SREBF2: variants seen among roughly 807,000 people sequenced by gnomAD.
SREBF2 encodes the protein sterol regulatory element binding transcription factor 2, also known as sterol regulatory element-binding protein 2.
Under a neutral mutation model 113.1 loss-of-function variants are expected in SREBF2, and 55 were observed. The observed-to-expected ratio is 0.49, with a 90% CI of 0.39 to 0.61. The LOEUF (loss-of-function observed/expected upper bound fraction) is 0.61, where lower values mean the gene tolerates loss of function less well. Ranked by LOEUF, SREBF2 falls within the 20% of genes least tolerant of loss-of-function variation. The pLI, the probability that SREBF2 is intolerant of heterozygous loss-of-function variation, is 0.00. For synonymous variants in SREBF2, 593 were observed against 605.7 expected (o/e 0.98, Z 0.31); for missense variants, 1,349 against 1,487.4 (o/e 0.91, Z 1.53).
At chr22:41,851,506 T>TG (rs944974942) in intron 1 of SREBF2, among the ~76,000 whole-genome samples, 12 of 152,052 alleles carry the variant, frequency 7.9e-5, no homozygotes, top group African/African-American at 2.2e-4. Context: ...TTTGTTTGTT[T>TG]TTTTGAGATG....
chr22:41,902,317 C>G (rs1265920260), intron 16 of SREBF2, among the ~76,000 whole-genome samples: 1 of 152,244 alleles, frequency 6.6e-6, no homozygotes, highest in African/African-American at 2.4e-5. Context: ...ACATGCAGTA[C>G]CTTCTCATAT....
intron 9 of SREBF2, among the ~76,000 whole-genome samples, chr22:41,880,013 C>T (rs539598640): frequency 7.2e-5 from 11 of 152,278 alleles, no homozygotes; most frequent in Admixed American, 5.9e-4. Context: ...GCCTGGGCAA[C>T]ATAGCAAAAC....
At chr22:41,898,617 G>A (rs369382670) in intron 14 of SREBF2, 32 bp from the exon 15 acceptor site, 1 of 1,613,494 alleles carries the variant, frequency 6.2e-7, no homozygotes, top group African/African-American at 1.3e-5. Context: ...TTCTGTGGGT[G>A]CTGGAGTGCG....
chr22:41,904,351 C>T (rs560546802), intron 17 of SREBF2, among the ~76,000 whole-genome samples: 1 of 152,318 alleles, frequency 6.6e-6, no homozygotes, highest in Admixed American at 6.5e-5. Flanking sequence ...AATGACAGAC[C>T]TCAGCCTTGC....
At chr22:41,863,094 C>T (rs714015) in intron 1 of SREBF2, among the ~76,000 whole-genome samples, 92,204 of 152,060 alleles carry the variant, frequency 0.61, 29,673 homozygotes, top group African/African-American at 0.81. Flanking sequence ...GAAGTACCGC[C>T]AACATTGACC....
chr22:41,903,973 G>A (rs1213233840), intron 17 of SREBF2, among the ~76,000 whole-genome samples: 1 of 152,220 alleles, frequency 6.6e-6, no homozygotes, highest in African/African-American at 2.4e-5. Context: ...CCCAGGCCTG[G>A]AGCGGCACCC....
chr22:41,882,400 C>T (rs894297768), intron 10 of SREBF2, among the ~76,000 whole-genome samples: 4 of 152,154 alleles, frequency 2.6e-5, no homozygotes, highest in African/African-American at 7.2e-5. Context: ...GCTGGACATG[C>T]AGGATCTACA....
chr22:41,859,137 A>G (rs1321689701), intron 1 of SREBF2, among the ~76,000 whole-genome samples: 3 of 152,114 alleles, frequency 2.0e-5, no homozygotes, highest in Non-Finnish European at 4.4e-5. Context: ...AAAAAAAAAA[A>G]AGTGGGGGGA....
rs746516454 is a variant in SREBF2, at chr22:41,903,071, G to A, written c.3009G>A (p.Ala1003=). 1.6e-5 allele frequency: 26 copies of A among 1,597,014 alleles called. No individual in the cohort carries two copies. The highest frequency in any genetic ancestry group is 1.6e-4 in the Middle Eastern group (1 of 6,066). Reference sequence around the variant, plus strand: ...AGGCTGTGGGGGAGACCTACCACGCGTCAGGCGCTGAACTGGCGGGCTTCC... The same window carrying A: ...AGGCTGTGGGGGAGACCTACCACGCATCAGGCGCTGAACTGGCGGGCTTCC... ...ASQAVGETYH[A]SGAELAGFQR... The change falls in exon 17 of 19, where the codon GCG becomes GCA. Residue 1003 remains alanine (A), a synonymous_variant. Coordinates refer to ENST00000361204, the MANE Select transcript of SREBF2 (RefSeq NM_004599.4).
At chr22:41,899,995 A>C (rs946667769) in intron 15 of SREBF2, 4 of 1,249,166 alleles carry the variant, frequency 3.2e-6, no homozygotes, top group Non-Finnish European at 2.0e-6. Context: ...AACGGGTACA[A>C]CACCTTATTG....
Position 41,877,383 on chromosome 22 carries a change from A to T in SREBF2, c.1541A>T (p.His514Leu). 6.2e-7 allele frequency: 1 copy of T among 1,614,094 alleles called. No individual in the cohort carries two copies. The highest frequency in any genetic ancestry group is 8.5e-7 in the Non-Finnish European group (1 of 1,180,016). Reference protein sequence around the residue: ...GGAHDSDQHPHSGSGRSVLSF... With the variant: ...GGAHDSDQHPLSGSGRSVLSF... ...GCCCACGACTCTGACCAGCACCCAC[A>T]CTCAGGCTCTGGCCGCAGTGTCCTG... is the stretch of plus-strand genomic sequence containing the variant. Residue 514 changes from histidine to leucine, a missense_variant, in exon 8 of 19, where the codon CAC becomes CTC. This residue lies in a region of SREBF2 where 699 missense variants were observed against 843.3 expected (regional missense o/e 0.83). Transcript: ENST00000361204.
At chr22:41,891,900 A>G (rs952790796) in intron 11 of SREBF2, among the ~76,000 whole-genome samples, 1 of 152,186 alleles carries the variant, frequency 6.6e-6, no homozygotes, top group Non-Finnish European at 1.5e-5. Flanking sequence ...CAGAACTGAA[A>G]ACGTGGTAGA....
intron 3 of SREBF2, among the ~76,000 whole-genome samples, chr22:41,869,782 G>C (rs1569391594): frequency 6.6e-6 from 1 of 152,074 alleles, no homozygotes; most frequent in Non-Finnish European, 1.5e-5. Flanking sequence ...ACTGTGCCCA[G>C]CTGGGGGACG....
intron 1 of SREBF2, among the ~76,000 whole-genome samples, chr22:41,841,793 A>T (rs2076832794): frequency 6.6e-6 from 1 of 152,242 alleles, no homozygotes; most frequent in Non-Finnish European, 1.5e-5. Context: ...CTGCGTACAT[A>T]TCACAGTGTT....
intron 11 of SREBF2, among the ~76,000 whole-genome samples, chr22:41,892,793 C>T (rs1365822299): frequency 2.0e-5 from 3 of 152,146 alleles, no homozygotes; most frequent in Non-Finnish European, 4.4e-5. Context: ...TCCTAGTTTA[C>T]CCTGCAGGTT....
chr22:41,891,700 G>A (rs2077364424), intron 11 of SREBF2, among the ~76,000 whole-genome samples: 1 of 152,226 alleles, frequency 6.6e-6, no homozygotes, highest in Non-Finnish European at 1.5e-5. Flanking sequence ...GGGCTGGGGT[G>A]TGGAAGCGAT....
Position 41,905,463 on chromosome 22 carries a change from C to A in SREBF2, c.3229C>A (p.Gln1077Lys). The change falls in exon 19 of 19, where the codon CAG becomes AAG. Residue 1077 changes from glutamine (Q) to lysine (K), a missense_variant. Around this residue, in one of 2 missense-constraint regions of SREBF2, gnomAD observed 650 missense variants for 644.1 expected, o/e 1.01. Coordinates refer to ENST00000361204, the MANE Select transcript of SREBF2 (RefSeq NM_004599.4). The stretch of plus-strand genomic sequence containing the variant: ...AGGAGAGGTGGATGCCTGGCCCGGC[C>A]AGCGAGAGCGGGCCACCGCCATCCT... ...KHGEVDAWPG[Q>K]RERATAILLA... is the part of the protein sequence containing the mutation. 6.3e-7 allele frequency: 1 copy of A among 1,578,282 alleles called. No individual in the cohort carries two copies. Among genetic ancestry groups the A allele is most frequent in the Admixed American group, 1.8e-5 (1 of 55,242 alleles).
At chr22:41,869,297 A>ACTG (rs2077116738) in intron 3 of SREBF2, among the ~76,000 whole-genome samples, 4 of 68,900 alleles carry the variant, frequency 5.8e-5, no homozygotes, top group East Asian at 5.0e-4. Flanking sequence ...TAGAGACGGG[A>ACTG]TGTTGGCCAG....
At chr22:41,865,146 AAC>A (rs133284) in intron 1 of SREBF2, among the ~76,000 whole-genome samples, 41,666 of 149,342 alleles carry the variant, frequency 0.28, 6,275 homozygotes, top group East Asian at 0.47. Flanking sequence ...TCCCCCAAAA[AAC>A]ACACACACAC....
Sources: gnomAD v4.1 joint callset for allele counts (sites outside exome capture counted in the v4.1 genomes callset) on GRCh38, gnomAD v4.1.1 for gene constraint, gnomAD v4.1.1 regional missense constraint, MANE v1.5 for transcripts, NCBI Gene and HGNC (gene_info 2026-07-23, HGNC 2026-07-21) for gene names.